Variants in ROPN1B observed in about 807,000 individuals in gnomAD.
The protein encoded by ROPN1B is rhophilin associated tail protein 1B, also known as ropporin-1B.
In ROPN1B, 13 loss-of-function variants were observed where a neutral mutation model predicts 23.7. The observed-to-expected ratio is 0.55, with a 90% CI of 0.36 to 0.87. The LOEUF is 0.87. Ranked by LOEUF, ROPN1B falls within the 40% of genes least tolerant of loss-of-function variation. The pLI, the probability that ROPN1B is intolerant of heterozygous loss-of-function variation, is 0.01. For missense variants in ROPN1B, 183 were observed against 249.2 expected, an observed-to-expected ratio of 0.73 and a Z score of 1.79; for synonymous variants, 67 against 100.4, an observed-to-expected ratio of 0.67 and a Z score of 1.99.
intron 4 of ROPN1B, among the ~76,000 whole-genome samples, chr3:125,976,087 CT>C (rs1483662610): frequency 6.6e-6 from 1 of 152,166 alleles, no homozygotes; most frequent in Non-Finnish European, 1.5e-5. Flanking sequence ...TTGCTTTTAG[CT>C]TTTAGGGAGA....
chr3:125,983,013 G>A (rs1938661743), intron 6 of ROPN1B, among the ~76,000 whole-genome samples: 2 of 152,128 alleles, frequency 1.3e-5, no homozygotes, highest in South Asian at 2.1e-4. Context: ...GCGTGGTGGT[G>A]TGTGTCTGTA....
At chr3:125,973,935 G>A (rs1241440236) in intron 3 of ROPN1B, 1 of 153,750 alleles carries the variant, frequency 6.5e-6, no homozygotes, top group Non-Finnish European at 1.5e-5. Flanking sequence ...GGTATTGGCA[G>A]GACATATACT....
intron 1 of ROPN1B, among the ~76,000 whole-genome samples, 183 bp from the exon 2 acceptor site, chr3:125,970,933 AG>A (rs1241657352): frequency 6.6e-6 from 1 of 152,192 alleles, no homozygotes; most frequent in Non-Finnish European, 1.5e-5. Context: ...GACTAGAAGC[AG>A]CAATGGAGAC....
At chr3:125,983,112 G>T in intron 6 of ROPN1B, 142 bp from the exon 7 acceptor site, 1 of 653,226 alleles carries the variant, frequency 1.5e-6, no homozygotes, top group Non-Finnish European at 2.7e-6. Context: ...GGACGACAGA[G>T]CCAGACCCTG....
chr3:125,978,436 C>T (rs1938497900), intron 5 of ROPN1B, among the ~76,000 whole-genome samples: 1 of 152,186 alleles, frequency 6.6e-6, no homozygotes, highest in African/African-American at 2.4e-5. Context: ...TCAATCCAAT[C>T]CTGAAATTTT....
intron 5 of ROPN1B, among the ~76,000 whole-genome samples, chr3:125,981,133 TTAA>T (rs112082669): frequency 0.18 from 27,411 of 152,164 alleles, 2,572 homozygotes; most frequent in Middle Eastern, 0.26. Flanking sequence ...TCAATTAAAA[TTAA>T]TAATTATTAT....
chr3:125,981,311 G>A (rs964514997), intron 5 of ROPN1B, among the ~76,000 whole-genome samples: 1 of 152,132 alleles, frequency 6.6e-6, no homozygotes, highest in Non-Finnish European at 1.5e-5. Flanking sequence ...AGGATGAGAG[G>A]AGAACAGCAG....
chr3:125,982,978 T>G (rs1302607448), intron 6 of ROPN1B, among the ~76,000 whole-genome samples: 1 of 152,070 alleles, frequency 6.6e-6, no homozygotes, highest in Non-Finnish European at 1.5e-5. Flanking sequence ...ACCCCATCTT[T>G]ACTAAAAATA....
intron 5 of ROPN1B, among the ~76,000 whole-genome samples, chr3:125,979,203 A>T (rs1938525117): frequency 6.6e-6 from 1 of 152,132 alleles, no homozygotes; most frequent in African/African-American, 2.4e-5. Flanking sequence ...CCTAGAGGTA[A>T]AGTCAGCCTG....
In ROPN1B at chr3:125,975,675, T is replaced by A. The variant is rs1385682900; in HGVS notation, c.229T>A (p.Ser77Thr). ...LTPELLKILH[S>T]QVAGRLIIRA... Reference sequence around the variant, plus strand: ...ACCTGAGCTGTTAAAGATCCTGCATTCTCAGGTAAGGGCCCTGCTGCAGCA... The same window carrying A: ...ACCTGAGCTGTTAAAGATCCTGCATACTCAGGTAAGGGCCCTGCTGCAGCA... Residue 77 changes from serine (S) to threonine (T), a missense_variant, in exon 4 of 7, where the codon TCT becomes ACT. By Grantham distance (58) the Ser-to-Thr change is moderately conservative. Coordinates refer to ENST00000514116, the MANE Select transcript of ROPN1B (RefSeq NM_001308313.2). 5 of 1,612,810 alleles carry A rather than the reference T, an allele frequency of 3.1e-6. No homozygotes were observed. Among genetic ancestry groups the A allele is most frequent in the Non-Finnish European group, 4.2e-6 (5 of 1,179,298 alleles).
At chr3:125,976,619 C>T (rs1182645329) in intron 4 of ROPN1B, among the ~76,000 whole-genome samples, 1 of 152,102 alleles carries the variant, frequency 6.6e-6, no homozygotes, top group African/African-American at 2.4e-5. Flanking sequence ...CTAATTTTAC[C>T]GTTAATTAGT....
At chr3:125,971,995 C>T in intron 2 of ROPN1B, 48 bp from the exon 3 acceptor site, 1 of 1,570,784 alleles carries the variant, frequency 6.4e-7, no homozygotes, top group Non-Finnish European at 8.7e-7. Flanking sequence ...TTGCTCTCAT[C>T]TTATGAGTCC....
intron 5 of ROPN1B, 68 bp from the exon 6 acceptor site, chr3:125,982,202 A>G (rs1462469556): frequency 1.5e-6 from 2 of 1,347,102 alleles, no homozygotes; most frequent in South Asian, 1.4e-5. Flanking sequence ...TCTTTCTTGT[A>G]TCTAAATGGA....
chr3:125,977,640 T>C (rs1212077638), intron 5 of ROPN1B: 1 of 193,802 alleles, frequency 5.2e-6, no homozygotes, highest in African/African-American at 2.4e-5. Context: ...GATGAGGCTA[T>C]TTCTGAATTT....
chr3:125,983,383 C>T lies in ROPN1B; in HGVS notation c.*63C>T. 2.8e-6 allele frequency: 3 copies of T among 1,066,278 alleles called. No individual in the cohort carries two copies. 66.1% of individuals were successfully genotyped at this position (1,066,278 alleles called of 1,614,324 possible). Reference sequence around the variant, plus strand: ...GTGATTGTACTTCAGAATGATAAACCCATATACCACCTAAAATCAATTTTC... The same window carrying T: ...GTGATTGTACTTCAGAATGATAAACTCATATACCACCTAAAATCAATTTTC... On this transcript the variant is annotated 3_prime_UTR_variant, in exon 7 of 7. Transcript: ENST00000514116.
At chr3:125,971,874 G>A (rs920679437) in intron 2 of ROPN1B, among the ~76,000 whole-genome samples, 169 bp from the exon 3 acceptor site, 3 of 152,188 alleles carry the variant, frequency 2.0e-5, no homozygotes, top group African/African-American at 7.2e-5. Context: ...AAAAGTAGGG[G>A]TTAGCAGACG....
At chr3:125,977,811 G>A (rs1398695489) in intron 5 of ROPN1B, 1 of 152,846 alleles carries the variant, frequency 6.5e-6, no homozygotes, top group African/African-American at 2.4e-5. Context: ...TCTTATATGT[G>A]GACTTACATT....
intron 1 of ROPN1B, among the ~76,000 whole-genome samples, chr3:125,970,602 C>T (rs950931795): frequency 6.6e-6 from 1 of 151,776 alleles, no homozygotes; most frequent in African/African-American, 2.4e-5. Context: ...CCTTTCTTCC[C>T]CCCTCTCCGA....
chr3:125,976,856 C>A, intron 4 of ROPN1B, 148 bp from the exon 5 acceptor site: 1 of 842,928 alleles, frequency 1.2e-6, no homozygotes, highest in Non-Finnish European at 2.1e-6. Context: ...AACTGCCACA[C>A]AGAGCCATCT....
Sources: allele counts gnomAD v4.1 joint callset (sites outside exome capture counted in the v4.1 genomes callset), GRCh38; gene constraint gnomAD v4.1.1; transcripts MANE v1.5; gene names NCBI Gene and HGNC (gene_info 2026-07-23, HGNC 2026-07-21).